The following MCAM variants were observed in gnomAD, a reference collection of about 807,000 sequenced individuals.
MCAM encodes the protein cell surface glycoprotein MUC18.
In MCAM, 55 loss-of-function variants were observed where a neutral mutation model predicts 79.1. The observed-to-expected ratio is 0.70, with a 90% CI of 0.56 to 0.87. The LOEUF (loss-of-function observed/expected upper bound fraction) is 0.87, where lower values mean the gene tolerates loss of function less well. Among genes scored for constraint, MCAM ranks in the 40% least tolerant of loss-of-function variants. The probability of loss-of-function intolerance (pLI) is 0.00; values close to 1 mark genes in which losing one functional copy is unlikely to be tolerated. For synonymous variants in MCAM, 330 were observed against 339.8 expected, an observed-to-expected ratio of 0.97 and a Z score of 0.32; for missense variants, 745 against 839.8, an observed-to-expected ratio of 0.89 and a Z score of 1.40.
rs761793791 is a variant in MCAM, at chr11:119,310,762, T to C, written c.1787A>G (p.Gln596Arg). 6.2e-7 allele frequency: 1 copy of C among 1,613,912 alleles called. No individual in the cohort carries two copies. The highest frequency in any genetic ancestry group is 8.5e-7 in the Non-Finnish European group (1 of 1,179,988). ...GGGCCGGTGTTGGGCTTACATCTCC[T>C]GCTTCCCTGAGCGCCTGCACGGCAG... The part of the protein sequence containing the change: ...GKLPCRRSGK[Q>R]EITLPPSRKS... The change falls in exon 14 of 16, where the codon CAG (glutamine) becomes CGG (arginine). Residue 596 changes from glutamine (Q) to arginine (R), a missense_variant. By Grantham distance (43) the Gln-to-Arg change is conservative. Coordinates refer to ENST00000264036, the MANE Select transcript of MCAM (RefSeq NM_006500.3).
In MCAM at chr11:119,315,141, A is replaced by C. The variant is rs1262051881; in HGVS notation, c.190T>G (p.Ser64Ala). The change falls in exon 2 of 16, where the codon TCT becomes GCT. Residue 64 changes from serine to alanine, a missense_variant and splice_region_variant. Physicochemically the swap from Ser to Ala is moderately conservative, Grantham distance 99. Coordinates refer to ENST00000264036, the MANE Select transcript of MCAM (RefSeq NM_006500.3). This position sits in a 1 kb window ranked among gnomAD's most constrained non-coding sequence, Gnocchi z 4.4. The stretch of plus-strand genomic sequence containing the variant: ...CTTGCAGGAGCCCAAGCACTCACAG[A>C]AAACCAGTCGACATGGCTGAGGTTG... ...QGNLSHVDWFSVHKEKRTLIF... is the reference protein window; with the variant it reads ...QGNLSHVDWFAVHKEKRTLIF... The C allele has an allele frequency of 6.2e-7, 1 of 1,613,496 alleles. No individual in the cohort carries two copies. The highest frequency in any genetic ancestry group is 1.7e-5 in the Admixed American group (1 of 60,030).
rs780302769 is a variant in MCAM, at chr11:119,314,564, C to G, written c.484G>C (p.Val162Leu). Residue 162 changes from valine to leucine, a missense_variant, in exon 5 of 16, where the codon GTA (valine) becomes CTA (leucine). By Grantham distance (32) the Val-to-Leu change is conservative. Transcript: ENST00000264036. Reference sequence around the variant, plus strand: ...GGAATGGGGTACCCGTTCCTCCCTACACAGGTAGCGACCTAAAGAGCACAG... The same window carrying G: ...GGAATGGGGTACCCGTTCCTCCCTAGACAGGTAGCGACCTAAAGAGCACAG... ...SKEPEEVATC[V>L]GRNGYPIPQV... 7 of 1,613,880 alleles carry G rather than the reference C, an allele frequency of 4.3e-6. No individual in the cohort carries two copies. The Admixed American group carries it at 1.0e-4, about 23-fold the overall frequency.
Position 119,312,716 on chromosome 11 carries a change from A to T in MCAM, c.739+54T>A, listed in dbSNP as rs1950253250. 1.2e-6 allele frequency: 2 copies of T among 1,613,340 alleles called. No individual in the cohort carries two copies. Among genetic ancestry groups the T allele is most frequent in the Admixed American group, 1.7e-5 (1 of 60,000 alleles). ...CTGGGCTGGATAAGGGGGAGCCAGC[A>T]GGAGTTTCCAGCAGCCCCAGCCCCA... On this transcript the variant is annotated intron_variant, in intron 6 of 15. Transcript: ENST00000264036. This position sits in a 1 kb window ranked among gnomAD's most constrained non-coding sequence, Gnocchi z 4.9.
At position 119,316,996 on chromosome 11, in the gene MCAM, C is replaced by T; in HGVS notation, c.67+39G>A. On this transcript the variant is annotated intron_variant, in intron 1 of 15. Transcript: ENST00000264036. This position sits in a 1 kb window ranked among gnomAD's most constrained non-coding sequence, Gnocchi z 4.8. The stretch of plus-strand genomic sequence containing the variant: ...GCTCCCTGGCACGCTCCACCGCAGA[C>T]CCCTAGCCGGGGCGCGGCCCCCCTG... 1 of 1,506,636 alleles carries T rather than the reference C, an allele frequency of 6.6e-7. No homozygotes were observed. Among genetic ancestry groups the T allele is most frequent in the Non-Finnish European group, 8.9e-7 (1 of 1,124,756 alleles). The allele number at this position is 1,506,636 out of a possible 1,614,324, so 93.3% of individuals were successfully genotyped here.
Position 119,311,098 on chromosome 11 carries a change from G to A in MCAM, c.1637C>T (p.Thr546Ile). ...TASPHTRANS[T>I]STERKLPEPE... is the part of the protein sequence containing the mutation. ...TGCCAGGCCTGGCTTACCTGTGGAG[G>A]TGCTGTTGGCTCTGGTATGAGGACT... Residue 546 changes from threonine to isoleucine, a missense_variant, in exon 13 of 16, where the codon ACC becomes ATC. Physicochemically the swap from Thr to Ile is moderately conservative, Grantham distance 89. Coordinates refer to ENST00000264036, the MANE Select transcript of MCAM (RefSeq NM_006500.3). The surrounding 1 kb of genome is among the most constrained non-coding windows in gnomAD (Gnocchi z 4.4). 1 of 1,614,266 alleles carries A rather than the reference G, an allele frequency of 6.2e-7. No individual in the cohort carries two copies. The highest frequency in any genetic ancestry group is 8.5e-7 in the Non-Finnish European group (1 of 1,180,050).
chr11:119,312,863 CT>C lies in MCAM; in HGVS notation c.645del (p.Asp216ThrfsTer20), dbSNP rs1950254854. ...TCACAGTAAAACTGGGCATCTTTGT[CT>C]TCTTTAACCAGCTGTGCCTTCAGAA... ...QSILKAQLVK[E>X]DKDAQFYCEL... On this transcript the variant is annotated frameshift_variant, in exon 6 of 16. Transcript: ENST00000264036. LOFTEE classifies it high-confidence loss of function. The surrounding 1 kb of genome is among the most constrained non-coding windows in gnomAD (Gnocchi z 4.9). The C allele has an allele frequency of 6.2e-7, 1 of 1,614,082 alleles. No homozygotes were observed. The highest frequency in any genetic ancestry group is 1.7e-5 in the Admixed American group (1 of 60,000).
chr11:119,316,947 C>T lies in MCAM; in HGVS notation c.67+88G>A. Reference sequence around the variant, plus strand: ...GCTCGTCCTCCCAGACGCAACGCCCCGACCCCGCCGCGCCGCTGGCTCTGC... The same window carrying T: ...GCTCGTCCTCCCAGACGCAACGCCCTGACCCCGCCGCGCCGCTGGCTCTGC... On this transcript the variant is annotated intron_variant, in intron 1 of 15. Transcript: ENST00000264036. The surrounding 1 kb of genome is among the most constrained non-coding windows in gnomAD (Gnocchi z 4.8). 8.1e-7 allele frequency: 1 copy of T among 1,227,628 alleles called. No individual in the cohort carries two copies. The highest frequency in any genetic ancestry group is 1.1e-6 in the Non-Finnish European group (1 of 896,120). 76.0% of individuals were successfully genotyped at this position (1,227,628 alleles called of 1,614,324 possible).
In MCAM at chr11:119,310,865, T is replaced by G. The variant is rs749237727; in HGVS notation, c.1684A>C (p.Ile562Leu). Residue 562 changes from isoleucine to leucine, a missense_variant, in exon 14 of 16, where the codon ATC becomes CTC. Physicochemically the swap from Ile to Leu is conservative, Grantham distance 5 (BLOSUM62 2). Transcript: ENST00000264036. Reference sequence around the variant, plus strand: ...AGGATGCACACAATCACAGCCACGATGACCACGCCCCGGCTCTCCGGCTCC... The same window carrying G: ...AGGATGCACACAATCACAGCCACGAGGACCACGCCCCGGCTCTCCGGCTCC... Reference protein sequence around the residue: ...LPEPESRGVVIVAVIVCILVL... With the variant: ...LPEPESRGVVLVAVIVCILVL... 7 of 1,614,196 alleles carry G rather than the reference T, an allele frequency of 4.3e-6. No homozygotes were observed. In the South Asian group the frequency reaches 7.7e-5, roughly 18 times the overall value.
In MCAM at chr11:119,308,933, C is replaced by G. The variant is rs560460523; in HGVS notation, c.*953G>C. On this transcript the variant is annotated 3_prime_UTR_variant, in exon 16 of 16. Coordinates refer to ENST00000264036, the MANE Select transcript of MCAM (RefSeq NM_006500.3). ...GGATTGAGGCTAATTCACCTGAACT[C>G]GAAAACAGCGCCCAGCTTCCTCACC... 6.6e-6 allele frequency: 1 copy of G among 152,208 alleles called. No individual in the cohort carries two copies. Among genetic ancestry groups the G allele is most frequent in the Non-Finnish European group, 1.5e-5 (1 of 68,048 alleles). 9.4% of individuals were successfully genotyped at this position (152,208 alleles called of 1,614,324 possible).
At position 119,310,922 on chromosome 11, in the gene MCAM, C is replaced by A; in HGVS notation, c.1646-19G>T. The A allele has an allele frequency of 6.2e-7, 1 of 1,614,160 alleles. No individual in the cohort carries two copies. Among genetic ancestry groups the A allele is most frequent in the Non-Finnish European group, 8.5e-7 (1 of 1,180,034 alleles). The stretch of plus-strand genomic sequence containing the variant: ...TTTCTCTCTGCGCCACAAAGACACT[C>A]CTCGTCACTCCCTGCCCCAGGCCAC... On this transcript the variant is annotated intron_variant, in intron 13 of 15. Coordinates refer to ENST00000264036, the MANE Select transcript of MCAM (RefSeq NM_006500.3).
Position 119,312,101 on chromosome 11 carries a change from C to T in MCAM, c.1094G>A (p.Cys365Tyr), listed in dbSNP as rs1851173573. 1.2e-6 allele frequency: 2 copies of T among 1,613,602 alleles called. No individual in the cohort carries two copies. The highest frequency in any genetic ancestry group is 2.7e-5 in the African/African-American group (2 of 74,996). Residue 365 changes from cysteine (C) to tyrosine (Y), a missense_variant, in exon 9 of 16, where the codon TGT becomes TAT. Coordinates refer to ENST00000264036, the MANE Select transcript of MCAM (RefSeq NM_006500.3). The surrounding 1 kb of genome is among the most constrained non-coding windows in gnomAD (Gnocchi z 4.9). ...RQEGSSLTLT[C>Y]EAESSQDLEF... is the part of the protein sequence containing the mutation. Reference sequence around the variant, plus strand: ...GAGGTCCTGGCTACTCTCTGCCTCACAGGTCAGGGTGAGGCTGCTGCCTTC... The same window carrying T: ...GAGGTCCTGGCTACTCTCTGCCTCATAGGTCAGGGTGAGGCTGCTGCCTTC...
In MCAM at chr11:119,312,365, G is replaced by T; in HGVS notation, c.925C>A (p.Pro309Thr). 1 of 1,614,040 alleles carries T rather than the reference G, an allele frequency of 6.2e-7. No individual in the cohort carries two copies. Among genetic ancestry groups the T allele is most frequent in the Middle Eastern group, 1.6e-4 (1 of 6,062 alleles). ...CGCCCACTGTGTTCCTTCCGGGCAG[G>T]CTCCAGCACCAGGACCCCGTTGTCG... is the stretch of plus-strand genomic sequence containing the variant. ...TNDNGVLVLE[P>T]ARKEHSGRYE... The change falls in exon 8 of 16, where the codon CCT becomes ACT. Residue 309 changes from proline to threonine, a missense_variant. Pro to Thr is a conservative substitution (Grantham distance 38, BLOSUM62 -1). Coordinates refer to ENST00000264036, the MANE Select transcript of MCAM (RefSeq NM_006500.3). This position sits in a 1 kb window ranked among gnomAD's most constrained non-coding sequence, Gnocchi z 4.9.
At position 119,315,579 on chromosome 11, in the gene MCAM, C is replaced by T; in HGVS notation, c.68-316G>A. 2.8e-6 allele frequency: 1 copy of T among 363,032 alleles called. No homozygotes were observed. The highest frequency in any genetic ancestry group is 3.2e-5 in the South Asian group (1 of 31,344). 22.5% of individuals were successfully genotyped at this position (363,032 alleles called of 1,614,324 possible). A position where few individuals can be genotyped will look rare whatever the true frequency, so the allele number is the denominator to read the frequency against. ...GCCAAGAGGAAGGCCCCTTTCCTTCCAGGCCCCCTCCTCTCCGGGTGAGCT... is the reference window on the plus strand; with the variant it reads ...GCCAAGAGGAAGGCCCCTTTCCTTCTAGGCCCCCTCCTCTCCGGGTGAGCT... On this transcript the variant is annotated intron_variant, in intron 1 of 15. Transcript: ENST00000264036. The surrounding 1 kb of genome is among the most constrained non-coding windows in gnomAD (Gnocchi z 4.4).
In MCAM at chr11:119,309,076, A is replaced by G. The variant is rs564442567; in HGVS notation, c.*810T>C. 6 of 152,208 alleles carry G rather than the reference A, an allele frequency of 3.9e-5. No homozygotes were observed. Among genetic ancestry groups the G allele is most frequent in the African/African-American group, 1.2e-4 (5 of 41,518 alleles). 9.4% of individuals were successfully genotyped at this position (152,208 alleles called of 1,614,324 possible). ...AAGCTCCACCTCCTGGATTCATACC[A>G]TTCTCCTGCTTCAGCCTTCCGAGTA... On this transcript the variant is annotated 3_prime_UTR_variant, in exon 16 of 16. Coordinates refer to ENST00000264036, the MANE Select transcript of MCAM (RefSeq NM_006500.3).
Position 119,310,687 on chromosome 11 carries a change from CG to C in MCAM, c.1793+68del, listed in dbSNP as rs1950218304. On this transcript the variant is annotated intron_variant, in intron 14 of 15. Coordinates refer to ENST00000264036, the MANE Select transcript of MCAM (RefSeq NM_006500.3). Reference sequence around the variant, plus strand: ...CCCACTCCTGCTGTCAAGGGGCAGGCGGGCGCTGGGCAGGCAGCAGGCTGGG... The same window carrying C: ...CCCACTCCTGCTGTCAAGGGGCAGGCGGCGCTGGGCAGGCAGCAGGCTGGG... 5.9e-6 allele frequency: 9 copies of C among 1,536,638 alleles called. No homozygotes were observed. The East Asian group carries it at 1.8e-4, about 31-fold the overall frequency.
chr11:119,315,194 A>G lies in MCAM; in HGVS notation c.137T>C (p.Leu46Pro). 6.2e-7 allele frequency: 1 copy of G among 1,613,266 alleles called. No homozygotes were observed. The highest frequency in any genetic ancestry group is 1.1e-5 in the South Asian group (1 of 91,082). The change falls in exon 2 of 16, where the codon CTG becomes CCG. Residue 46 changes from leucine to proline, a missense_variant. Leu to Pro is a moderately conservative substitution (Grantham distance 98). Transcript: ENST00000264036. The surrounding 1 kb of genome is among the most constrained non-coding windows in gnomAD (Gnocchi z 4.4). ...VEVEVGSTAL[L>P]KCGLSQSQGN... is the part of the protein sequence containing the mutation. The stretch of plus-strand genomic sequence containing the variant: ...TTGGGACTGGGAGAGGCCGCACTTC[A>G]GAAGGGCTGTGCTGCCCACTTCCAC...
chr11:119,313,291 A>G, intron 5 of MCAM: 1 of 1,340,992 alleles, frequency 7.5e-7, no homozygotes. Context: ...CAAAACGATC[A>G]GTTGATCTAA....
rs763830979 is a variant in MCAM at position 119,311,368 on chromosome 11, G to A, written c.1461C>T (p.Leu487=). ...CTGTCTCCAACAGCTCCGGGGTCAC[G>A]AGGACATTCAGGGTGCTCAGGACTC... ...PQRVLSTLNV[L]VTPELLETGV... Residue 487 remains leucine (L), a synonymous_variant, in exon 12 of 16, where the codon CTC becomes CTT. Coordinates refer to ENST00000264036, the MANE Select transcript of MCAM (RefSeq NM_006500.3). The surrounding 1 kb of genome is among the most constrained non-coding windows in gnomAD (Gnocchi z 4.4). 1.9e-5 allele frequency: 30 copies of A among 1,614,052 alleles called. No individual in the cohort carries two copies. Among genetic ancestry groups the A allele is most frequent in the Admixed American group, 6.7e-5 (4 of 60,012 alleles).
chr11:119,311,462 A>C lies in MCAM; in HGVS notation c.1408-41T>G. On this transcript the variant is annotated intron_variant, in intron 11 of 15. Transcript: ENST00000264036. The surrounding 1 kb of genome is among the most constrained non-coding windows in gnomAD (Gnocchi z 4.4). ...GGAGGCAGCTCAGGGGATGGGGAGG[A>C]TCTCTGGTCCTGGCCACAAAGCGCA... 1.2e-6 allele frequency: 2 copies of C among 1,613,290 alleles called. No homozygotes were observed. The highest frequency in any genetic ancestry group is 1.1e-5 in the South Asian group (1 of 91,074).
Sources: allele counts gnomAD v4.1 joint callset, GRCh38; gene constraint gnomAD v4.1.1; non-coding constraint Gnocchi (gnomAD v3.1); transcripts MANE v1.5; gene names NCBI Gene and HGNC (gene_info 2026-07-23, HGNC 2026-07-21).